Variants in MAP3K9 observed in about 807,000 individuals in gnomAD.
The protein encoded by MAP3K9 is mixed lineage kinase 1 (tyr and ser/thr specificity).
In MAP3K9, 46 loss-of-function variants were observed where a neutral mutation model predicts 95.8. That is an observed-to-expected ratio of 0.48 (90% CI 0.38 to 0.61). MAP3K9 has a LOEUF of 0.61. Among genes scored for constraint, MAP3K9 ranks in the 20% least tolerant of loss-of-function variants. The pLI is 0.00. For missense variants in MAP3K9, 1,296 were observed against 1,474.3 expected (o/e 0.88, Z 1.98); for synonymous variants, 533 against 593.8 (o/e 0.90, Z 1.49).
intron 2 of MAP3K9, among the ~76,000 whole-genome samples, chr14:70,794,675 T>C (rs970897694): frequency 7.0e-6 from 1 of 143,506 alleles, no homozygotes; most frequent in Non-Finnish European, 1.5e-5. Context: ...CTTTTTCTTT[T>C]CTTTTTTCTT....
At position 70,742,668 on chromosome 14, in the gene MAP3K9, C is replaced by T. The variant is rs2054089899; in HGVS notation, c.1327-77G>A. The T allele has an allele frequency of 3.9e-6, 6 of 1,532,206 alleles. No homozygotes were observed. The South Asian group carries it at 7.5e-5, about 19-fold the overall frequency. 94.9% of individuals were successfully genotyped at this position (1,532,206 alleles called of 1,614,324 possible). On this transcript the variant is annotated intron_variant, in intron 5 of 11. Transcript: ENST00000554752. ...GGGGCTCTGGGGTGAGGCCTGAGAG[C>T]TCCCAGAGGGCTTATGGTGACCTGG...
At chr14:70,749,150 A>C in intron 4 of MAP3K9, 146 bp from the exon 5 acceptor site, 1 of 712,148 alleles carries the variant, frequency 1.4e-6, no homozygotes, top group Non-Finnish European at 2.3e-6. Flanking sequence ...ACCTCAAATA[A>C]GGCTCAGGAA....
intron 2 of MAP3K9, among the ~76,000 whole-genome samples, chr14:70,787,625 G>A (rs2054761441): frequency 1.3e-5 from 2 of 151,990 alleles, no homozygotes; most frequent in South Asian, 4.1e-4. Flanking sequence ...TTCACAGCTG[G>A]GCAATTCCAA....
At chr14:70,742,290 C>A in intron 6 of MAP3K9, 61 bp downstream of exon 6, 2 of 1,578,770 alleles carry the variant, frequency 1.3e-6, no homozygotes, top group South Asian at 1.2e-5. Context: ...CTCCCTCAAA[C>A]CCTCTGCCAC....
In MAP3K9 at chr14:70,728,438, A is replaced by C. The variant is rs1305297314; in HGVS notation, c.*1942T>G. On this transcript the variant is annotated 3_prime_UTR_variant, in exon 12 of 12. Transcript: ENST00000554752. Reference sequence around the variant, plus strand: ...CGCGCCCTGTCAGAACAAACTTTGTATGTACTTCTCCCCATCAAGAATGAA... The same window carrying C: ...CGCGCCCTGTCAGAACAAACTTTGTCTGTACTTCTCCCCATCAAGAATGAA... 2 of 152,130 alleles carry C rather than the reference A, an allele frequency of 1.3e-5. No individual in the cohort carries two copies. The highest frequency in any genetic ancestry group is 2.9e-5 in the Non-Finnish European group (2 of 68,028). 9.4% of individuals were successfully genotyped at this position (152,130 alleles called of 1,614,324 possible).
At chr14:70,732,264 C>A (rs948727969) in intron 11 of MAP3K9, among the ~76,000 whole-genome samples, 3 of 152,136 alleles carry the variant, frequency 2.0e-5, no homozygotes, top group African/African-American at 7.2e-5. Context: ...GACTCAGGGT[C>A]TGGACATTCC....
rs1313893562 is a variant in MAP3K9, at chr14:70,722,781, A to T, written c.*7599T>A. 1.3e-5 allele frequency: 2 copies of T among 152,180 alleles called. No homozygotes were observed. The highest frequency in any genetic ancestry group is 4.8e-5 in the African/African-American group (2 of 41,452). The allele number at this position is 152,180 out of a possible 1,614,324, so 9.4% of individuals were successfully genotyped here. A position where few individuals can be genotyped will look rare whatever the true frequency, so the allele number is the denominator to read the frequency against. On this transcript the variant is annotated 3_prime_UTR_variant, in exon 12 of 12. Transcript: ENST00000554752. ...TACAATAACTTAAATCCCAAAGCAA[A>T]GTGGGAATTCAAGGACACGGGGTCA...
At chr14:70,748,745 G>A (rs1451963628) in intron 5 of MAP3K9, 84 bp downstream of exon 5, 1 of 1,062,032 alleles carries the variant, frequency 9.4e-7, no homozygotes, top group Middle Eastern at 3.2e-4. Context: ...CGGTCCAGAG[G>A]TCCCTGTGAG....
intron 2 of MAP3K9, among the ~76,000 whole-genome samples, chr14:70,775,269 T>C (rs1201715100): frequency 6.6e-6 from 1 of 152,140 alleles, no homozygotes; most frequent in Non-Finnish European, 1.5e-5. Flanking sequence ...TTCATGGCTA[T>C]CCTGCAAGTT....
Position 70,725,961 on chromosome 14 carries a change from T to C in MAP3K9, c.*4419A>G, listed in dbSNP as rs1398728421. On this transcript the variant is annotated 3_prime_UTR_variant, in exon 12 of 12. Coordinates refer to ENST00000554752, the MANE Select transcript of MAP3K9 (RefSeq NM_001284230.2). ...GAAGGGCTTCAGGAGGGAAAGTAGATAGCATCGTCCCCAGTTCACAGTAGG... is the reference window on the plus strand; with the variant it reads ...GAAGGGCTTCAGGAGGGAAAGTAGACAGCATCGTCCCCAGTTCACAGTAGG... The C allele has an allele frequency of 6.6e-6, 1 of 152,202 alleles. No homozygotes were observed. Among genetic ancestry groups the C allele is most frequent in the Non-Finnish European group, 1.5e-5 (1 of 68,058 alleles). The allele number at this position is 152,202 out of a possible 1,614,324, so 9.4% of individuals were successfully genotyped here. A position where few individuals can be genotyped will look rare whatever the true frequency, so the allele number is the denominator to read the frequency against.
intron 11 of MAP3K9, 90 bp downstream of exon 11, chr14:70,732,449 C>A (rs1452702596): frequency 4.1e-6 from 6 of 1,467,330 alleles, no homozygotes; most frequent in Middle Eastern, 1.9e-4. Context: ...ACTCAAATCC[C>A]GAAGTGGAAA....
chr14:70,762,279 T>TG (rs2054386793), intron 2 of MAP3K9, among the ~76,000 whole-genome samples: 1 of 152,238 alleles, frequency 6.6e-6, no homozygotes, highest in Non-Finnish European at 1.5e-5. Flanking sequence ...CTGGATCGCA[T>TG]GGTAATTCGT....
In MAP3K9 at chr14:70,793,591, G is replaced by A. The variant is rs141973235; in HGVS notation, c.820+7076C>T. Among the ~76,000 whole-genome samples, 1,183 of 152,240 alleles carry A rather than the reference G, an allele frequency of 7.8e-3. 16 individuals are homozygous for A. The highest frequency in any genetic ancestry group is 0.027 in the African/African-American group (1,105 of 41,560). On this transcript the variant is annotated intron_variant, in intron 2 of 11. Transcript: ENST00000554752. ...CAAGTGAGGTCTGAATGACACCCAT[G>A]GGTAAGAGAAAGGGAACATTTACAT...
intron 2 of MAP3K9, among the ~76,000 whole-genome samples, chr14:70,779,166 G>T (rs988542903): frequency 3.9e-5 from 6 of 152,226 alleles, no homozygotes; most frequent in Admixed American, 3.9e-4. Flanking sequence ...AGAAGGAGCC[G>T]CAGTGAAGGG....
intron 2 of MAP3K9, among the ~76,000 whole-genome samples, chr14:70,784,573 T>C (rs1234575652): frequency 6.6e-6 from 1 of 152,028 alleles, no homozygotes; most frequent in Non-Finnish European, 1.5e-5. Flanking sequence ...TGAAACCCCA[T>C]CTCTACTGAA....
intron 11 of MAP3K9, 113 bp from the exon 12 acceptor site, chr14:70,730,977 AT>A: frequency 8.3e-7 from 1 of 1,203,522 alleles, no homozygotes; most frequent in Non-Finnish European, 1.1e-6. Flanking sequence ...GAGAACATGA[AT>A]CACCAAATGT....
In MAP3K9 at chr14:70,801,014, A is replaced by G; in HGVS notation, c.473T>C (p.Val158Ala). The G allele has an allele frequency of 6.2e-7, 1 of 1,614,214 alleles. No individual in the cohort carries two copies. The highest frequency in any genetic ancestry group is 8.5e-7 in the Non-Finnish European group (1 of 1,180,038). Residue 158 changes from valine (V) to alanine (A), a missense_variant, in exon 2 of 12, where the codon GTC (valine) becomes GCC (alanine). By Grantham distance (64) the Val-to-Ala change is moderately conservative. Around this residue, in one of 5 missense-constraint regions of MAP3K9, gnomAD observed 338 missense variants for 363.4 expected, o/e 0.93. Coordinates refer to ENST00000554752, the MANE Select transcript of MAP3K9 (RefSeq NM_001284230.2). Reference protein sequence around the residue: ...EIIGIGGFGKVYRAFWIGDEV... With the variant: ...EIIGIGGFGKAYRAFWIGDEV... ...ATCCCCTATCCAGAAAGCACGATAG[A>G]CCTTCCCAAAGCCCCCGATGCCAAT...
chr14:70,790,984 T>C (rs972259771), intron 2 of MAP3K9, among the ~76,000 whole-genome samples: 2 of 152,208 alleles, frequency 1.3e-5, no homozygotes, highest in African/African-American at 4.8e-5. Context: ...TCAGAGATCC[T>C]GAAGGACAAA....
At chr14:70,771,035 G>A (rs1241082074) in intron 2 of MAP3K9, among the ~76,000 whole-genome samples, 1 of 151,202 alleles carries the variant, frequency 6.6e-6, no homozygotes, top group African/African-American at 2.4e-5. Context: ...GAGATTCTGT[G>A]ATATAAAGGG....
Sources: allele counts gnomAD v4.1 joint callset (sites outside exome capture counted in the v4.1 genomes callset), GRCh38; gene constraint gnomAD v4.1.1; regional missense constraint gnomAD v4.1.1; transcripts MANE v1.5; gene names NCBI Gene and HGNC (gene_info 2026-07-23, HGNC 2026-07-21).